Variants in TENM3 observed in about 807,000 individuals in gnomAD.
The protein encoded by TENM3 is teneurin transmembrane protein 3, also known as teneurin-3.
TENM3 carries 63 observed loss-of-function variants against 255.1 expected under a neutral mutation model. That is an observed-to-expected ratio of 0.25 (90% CI 0.20 to 0.30). The LOEUF (loss-of-function observed/expected upper bound fraction) is 0.30. TENM3 is among the 10% of genes least tolerant of loss of function. TENM3 has a pLI of 1.00. For synonymous variants in TENM3, 1,306 were observed against 1,322.3 expected (o/e 0.99, Z 0.27); for missense variants, 2,929 against 3,461.1 (o/e 0.85, Z 3.86).
upstream of TENM3, among the ~76,000 whole-genome samples, chr4:182,241,854 A>G (rs1383805809): frequency 6.6e-6 from 1 of 151,298 alleles, no homozygotes; most frequent in African/African-American, 2.4e-5. Flanking sequence ...ACAAGGCTTG[A>G]CCGTTCTTTT....
At chr4:181,696,887 G>GTGT in the TENM3 span, among the ~76,000 whole-genome samples, 1 of 152,136 alleles carries the variant, frequency 6.6e-6, no homozygotes, top group African/African-American at 2.4e-5. Flanking sequence ...AAAAGGGTGT[G>GTGT]CGTCAGAGCA....
intron 22 of TENM3, among the ~76,000 whole-genome samples, chr4:182,772,783 T>C (rs966926701): frequency 1.3e-5 from 2 of 152,190 alleles, no homozygotes; most frequent in Non-Finnish European, 2.9e-5. Flanking sequence ...AAATAATCAT[T>C]AAATGTCAGG....
chr4:182,495,519 C>T (rs1204863388), intron 3 of TENM3, among the ~76,000 whole-genome samples: 1 of 151,782 alleles, frequency 6.6e-6, no homozygotes, highest in Non-Finnish European at 1.5e-5. Flanking sequence ...AAAAAAATGA[C>T]TGTATGAATG....
intron 4 of TENM3, among the ~76,000 whole-genome samples, chr4:182,610,588 CA>C (rs1400706040): frequency 6.6e-6 from 1 of 152,070 alleles, no homozygotes; most frequent in Non-Finnish European, 1.5e-5. Context: ...GAAGCTGAAG[CA>C]GGAGGATCAC....
At chr4:181,901,904 G>T in the TENM3 span, among the ~76,000 whole-genome samples, 1 of 151,854 alleles carries the variant, frequency 6.6e-6, no homozygotes, top group Admixed American at 6.6e-5. Flanking sequence ...ACTGCAAAAG[G>T]ATTATTTAGC....
At chr4:181,602,721 T>C in the TENM3 span, among the ~76,000 whole-genome samples, 2 of 152,110 alleles carry the variant, frequency 1.3e-5, no homozygotes, top group African/African-American at 2.4e-5. Flanking sequence ...TATTAAGGAG[T>C]AAATGTCAAC....
At chr4:181,743,966 C>T in the TENM3 span, among the ~76,000 whole-genome samples, 1 of 152,052 alleles carries the variant, frequency 6.6e-6, no homozygotes, top group Admixed American at 6.6e-5. Context: ...GATGTTCTCC[C>T]TCCCCTCCCC....
At chr4:182,642,207 GA>G (rs1561045840) in intron 5 of TENM3, among the ~76,000 whole-genome samples, 2 of 152,170 alleles carry the variant, frequency 1.3e-5, no homozygotes, top group Non-Finnish European at 2.9e-5. Flanking sequence ...ATTGGAGGAT[GA>G]ATCCTTCTTT....
At chr4:182,303,804 A>T (rs1309627967) in intron 1 of TENM3, among the ~76,000 whole-genome samples, 2 of 152,192 alleles carry the variant, frequency 1.3e-5, no homozygotes, top group Non-Finnish European at 2.9e-5. Context: ...TAAACTTTTT[A>T]AACTCTCTAT....
chr4:181,760,711 G>A, the TENM3 span, among the ~76,000 whole-genome samples: 3 of 151,874 alleles, frequency 2.0e-5, no homozygotes, highest in Non-Finnish European at 4.4e-5. Context: ...ATTCCCTTGT[G>A]ATCTGCCTGC....
At chr4:182,698,859 A>C (rs2152629611) in intron 12 of TENM3, among the ~76,000 whole-genome samples, 1 of 152,286 alleles carries the variant, frequency 6.6e-6, no homozygotes, top group African/African-American at 2.4e-5. Context: ...GTTTTGGGAA[A>C]CGTTAGATGT....
chr4:181,667,404 A>C, the TENM3 span, among the ~76,000 whole-genome samples: 1 of 152,136 alleles, frequency 6.6e-6, no homozygotes, highest in Non-Finnish European at 1.5e-5. Context: ...CTCGCAAACC[A>C]TCTGCTATGG....
the TENM3 span, among the ~76,000 whole-genome samples, chr4:181,520,615 A>G: frequency 6.6e-6 from 1 of 152,194 alleles, no homozygotes; most frequent in Non-Finnish European, 1.5e-5. Context: ...TTTGCCCAAG[A>G]AAGGAGCAAA....
chr4:182,639,050 T>G (rs1057150603), intron 5 of TENM3, among the ~76,000 whole-genome samples: 1 of 152,228 alleles, frequency 6.6e-6, no homozygotes, highest in South Asian at 2.1e-4. Context: ...TTTAATTATT[T>G]CTAATATCAA....
At chr4:181,865,712 C>A in the TENM3 span, among the ~76,000 whole-genome samples, 2 of 152,170 alleles carry the variant, frequency 1.3e-5, no homozygotes, top group African/African-American at 2.4e-5. Context: ...ATCATAGACA[C>A]TTTTTCCTCT....
At chr4:182,596,066 C>A (rs562219107) in intron 3 of TENM3, among the ~76,000 whole-genome samples, 1 of 152,194 alleles carries the variant, frequency 6.6e-6, no homozygotes, top group African/African-American at 2.4e-5. Flanking sequence ...ATATAAATGT[C>A]ATCAATCAAT....
chr4:181,658,132 C>G, the TENM3 span, among the ~76,000 whole-genome samples: 1 of 152,042 alleles, frequency 6.6e-6, no homozygotes, highest in Non-Finnish European at 1.5e-5. Flanking sequence ...CATGTACTCT[C>G]TGAATCTAAA....
intron 1 of TENM3, among the ~76,000 whole-genome samples, chr4:182,228,392 GTATA>G (rs59926138): frequency 9.6e-6 from 1 of 104,428 alleles, no homozygotes; most frequent in Non-Finnish European, 2.0e-5. Context: ...GTGTGTGTGT[GTATA>G]TGTAATCCCT....
In TENM3 at chr4:182,650,610, G is replaced by A. The variant is rs146431950; in HGVS notation, c.989-3161G>A. ...CTCTCTCCTTTCTCTCCTTCTTCTC[G>A]TCTCTCTCTCTCCTCTCTCTAACTT... is the stretch of plus-strand genomic sequence containing the variant. On this transcript the variant is annotated intron_variant, in intron 5 of 27. Transcript: ENST00000511685. Among the ~76,000 whole-genome samples the A allele has an allele frequency of 5.8e-3, 861 of 147,716 alleles. 27 individuals are homozygous for A. Among genetic ancestry groups the A allele is most frequent in the African/African-American group, 0.02 (802 of 40,708 alleles).
Sources: gnomAD v4.1 joint callset for allele counts (sites outside exome capture counted in the v4.1 genomes callset) on GRCh38, gnomAD v4.1.1 for gene constraint, MANE v1.5 for transcripts, NCBI Gene and HGNC (gene_info 2026-07-23, HGNC 2026-07-21) for gene names.